Variants in USH2A observed in about 807,000 individuals in gnomAD.
The protein encoded by USH2A is usherin, also known as Usher syndrome 2A (autosomal recessive, mild).
A neutral mutation model predicts 538.9 loss-of-function variants in USH2A; 443 were observed. The observed-to-expected ratio is 0.82, with a 90% confidence interval of 0.76 to 0.89. USH2A has a LOEUF of 0.89. Ranked by LOEUF, USH2A falls within the 40% of genes least tolerant of loss-of-function variation. USH2A has a pLI of 0.00. For synonymous variants in USH2A, 2,413 were observed against 2,273.5 expected (o/e 1.06, Z -1.75); for missense variants, 6,633 against 6,324.8 (o/e 1.05, Z -1.65).
intron 61 of USH2A, among the ~76,000 whole-genome samples, chr1:215,695,992 G>A (rs1306417056): frequency 1.1e-4 from 16 of 151,834 alleles, no homozygotes; most frequent in African/African-American, 1.4e-4. Context: ...CAGGTGATCC[G>A]CCTGTCTCAT....
rs1656935946 is a variant in USH2A, at chr1:215,648,555, G to A, written c.14555C>T (p.Pro4852Leu). Residue 4852 changes from proline (P) to leucine (L), a missense_variant, in exon 66 of 72, where the codon CCC (proline) becomes CTC (leucine). Transcript: ENST00000307340. ...SRTASFRWSPPMFPNGVIHSY... is the reference protein window; with the variant it reads ...SRTASFRWSPLMFPNGVIHSY... Reference sequence around the variant, plus strand: ...GTGAATGACACCATTGGGGAACATGGGGGGACTCCACCGGAAGGAGGCCGT... The same window carrying A: ...GTGAATGACACCATTGGGGAACATGAGGGGACTCCACCGGAAGGAGGCCGT... 2 of 1,614,052 alleles carry A rather than the reference G, an allele frequency of 1.2e-6. No homozygotes were observed. The highest frequency in any genetic ancestry group is 1.6e-4 in the Middle Eastern group (1 of 6,084).
chr1:216,370,228 G>A (rs1221418111), intron 3 of USH2A, among the ~76,000 whole-genome samples: 2 of 151,896 alleles, frequency 1.3e-5, no homozygotes, highest in African/African-American at 4.8e-5. Context: ...AGTTGTGGTG[G>A]TGCATTCCTG....
chr1:216,406,832 T>G (rs1016763903), intron 3 of USH2A, among the ~76,000 whole-genome samples: 1 of 152,150 alleles, frequency 6.6e-6, no homozygotes, highest in African/African-American at 2.4e-5. Flanking sequence ...CACTCCAAAA[T>G]GGTTGCATGG....
At chr1:216,064,559 T>C (rs1414934750) in intron 30 of USH2A, among the ~76,000 whole-genome samples, 1 of 152,058 alleles carries the variant, frequency 6.6e-6, no homozygotes, top group Non-Finnish European at 1.5e-5. Context: ...AATTAAAGGA[T>C]GTTAGCCAAG....
chr1:216,073,442 C>A (rs1394333263), intron 27 of USH2A, 142 bp from the exon 28 acceptor site: 8 of 811,426 alleles, frequency 9.9e-6, no homozygotes, highest in Non-Finnish European at 1.4e-5. Context: ...CCTTGGAAAA[C>A]CTTTTATGCC....
At chr1:215,667,082 G>A (rs188720928) in intron 64 of USH2A, among the ~76,000 whole-genome samples, 82 of 151,980 alleles carry the variant, frequency 5.4e-4, no homozygotes, top group Admixed American at 4.6e-3. Context: ...AGAGTGACAT[G>A]CCATCTCAAA....
intron 14 of USH2A, among the ~76,000 whole-genome samples, chr1:216,229,338 CAG>C (rs1287698983): frequency 6.6e-6 from 1 of 151,278 alleles, no homozygotes; most frequent in Non-Finnish European, 1.5e-5. Flanking sequence ...TTTTCTGAGA[CAG>C]GGTCTCGCTC....
Position 216,072,899 on chromosome 1 carries a change from T to G in USH2A, c.5847A>C (p.Thr1949=), listed in dbSNP as rs766667813. 4 of 1,613,736 alleles carry G rather than the reference T, an allele frequency of 2.5e-6. No individual in the cohort carries two copies. Reference sequence around the variant, plus strand: ...AAGATAAGTATTTACCTGCTCCTGTTGTACGTCCTCGACTCCAATCACTAT... The same window carrying G: ...AAGATAAGTATTTACCTGCTCCTGTGGTACGTCCTCGACTCCAATCACTAT... ...SVYSDWSRGR[T]TGAAPQSVPT... The change falls in exon 29 of 72, where the codon ACA becomes ACC. Residue 1949 remains threonine (T), a synonymous_variant. Coordinates refer to ENST00000307340, the MANE Select transcript of USH2A (RefSeq NM_206933.4).
chr1:215,795,602 G>T (rs1226907517), intron 50 of USH2A, among the ~76,000 whole-genome samples: 1 of 152,106 alleles, frequency 6.6e-6, no homozygotes, highest in Non-Finnish European at 1.5e-5. Context: ...CAAATATTTT[G>T]CTGTCATTTT....
intron 21 of USH2A, among the ~76,000 whole-genome samples, chr1:216,100,406 C>A (rs2032549679): frequency 6.6e-6 from 1 of 152,150 alleles, no homozygotes; most frequent in Admixed American, 6.5e-5. Flanking sequence ...GAGCAGAGAA[C>A]AATTATATTT....
chr1:216,187,806 A>C (rs1024001097), intron 20 of USH2A, among the ~76,000 whole-genome samples: 4 of 151,964 alleles, frequency 2.6e-5, no homozygotes, highest in Non-Finnish European at 5.9e-5. Context: ...AATCCTCATC[A>C]GAACCCTACA....
At chr1:216,372,694 G>T (rs1186216790) in intron 3 of USH2A, among the ~76,000 whole-genome samples, 1 of 152,026 alleles carries the variant, frequency 6.6e-6, no homozygotes, top group Non-Finnish European at 1.5e-5. Flanking sequence ...ATACATGATG[G>T]AAAATCTGCC....
chr1:215,920,019 T>A (rs1666057484), intron 38 of USH2A, among the ~76,000 whole-genome samples: 1 of 152,048 alleles, frequency 6.6e-6, no homozygotes, highest in Admixed American at 6.6e-5. Context: ...AGGTACAAAG[T>A]ACACAGTTCA....
In USH2A at chr1:216,341,904, C is replaced by A. The variant is rs764044871; in HGVS notation, c.785-14250G>T. 1.2e-3 allele frequency among the ~76,000 whole-genome samples: 189 copies of A among 152,236 alleles called. 1 individual carries two copies. The highest frequency in any genetic ancestry group is 2.4e-3 in the Non-Finnish European group (165 of 68,016). ...AAATCATTAAAACCCTAGAAGAAAA[C>A]CTAGGCGATACCATTCAGGACATAG... On this transcript the variant is annotated intron_variant, in intron 4 of 71. Coordinates refer to ENST00000307340, the MANE Select transcript of USH2A (RefSeq NM_206933.4).
At chr1:216,323,273 G>GT (rs1296172514) in intron 8 of USH2A, among the ~76,000 whole-genome samples, 1 of 102,224 alleles carries the variant, frequency 9.8e-6, no homozygotes, top group Non-Finnish European at 2.0e-5. Flanking sequence ...TATAAAATAC[G>GT]TTTTATATAT....
intron 4 of USH2A, among the ~76,000 whole-genome samples, chr1:216,331,447 G>C (rs888505161): frequency 6.6e-6 from 1 of 152,040 alleles, no homozygotes; most frequent in Admixed American, 6.6e-5. Flanking sequence ...TTACAACTGG[G>C]TGGCACAACA....
At chr1:215,958,634 ATATCC>A (rs1293065088) in intron 37 of USH2A, among the ~76,000 whole-genome samples, 2 of 152,058 alleles carry the variant, frequency 1.3e-5, no homozygotes, top group Non-Finnish European at 2.9e-5. Flanking sequence ...CTACCTGGAA[ATATCC>A]TAATCGGTCT....
intron 61 of USH2A, among the ~76,000 whole-genome samples, chr1:215,690,805 C>A (rs1376668467): frequency 6.6e-6 from 1 of 152,092 alleles, no homozygotes; most frequent in Non-Finnish European, 1.5e-5. Context: ...CATCCAGAAT[C>A]CTACCAGTTC....
At chr1:216,062,170 G>C (rs4460609) in intron 30 of USH2A, among the ~76,000 whole-genome samples, 100,039 of 152,016 alleles carry the variant, frequency 0.66, 34,043 homozygotes, top group African/African-American at 0.83. Context: ...ATTCTGGGGA[G>C]GATTTAATTC....
Sources: gnomAD v4.1 joint callset for allele counts (sites outside exome capture counted in the v4.1 genomes callset) on GRCh38, gnomAD v4.1.1 for gene constraint, MANE v1.5 for transcripts, NCBI Gene and HGNC (gene_info 2026-07-23, HGNC 2026-07-21) for gene names.